SRGAP2B: variants seen among roughly 807,000 people sequenced by gnomAD.
SRGAP2B encodes SLIT-ROBO Rho GTPase-activating protein 2B.
Under a neutral mutation model 22.2 loss-of-function variants are expected in SRGAP2B, and 9 were observed. The ratio of observed to expected loss-of-function variants is 0.41; its 90% CI spans 0.24 to 0.71. The LOEUF is 0.71. SRGAP2B is among the 30% of genes least tolerant of loss of function. SRGAP2B has a pLI of 0.35. For missense variants in SRGAP2B, 114 were observed against 235.8 expected (o/e 0.48, Z 3.38); for synonymous variants, 36 against 87.4 (o/e 0.41, Z 3.28).
chr1:144,920,033 ACTGATTGGTGCATTTTTACAGAGTG>A (rs1664109926), intron 4 of SRGAP2B: 1 of 150,420 alleles, frequency 6.6e-6, no homozygotes, highest in Non-Finnish European at 1.5e-5. Flanking sequence ...GACACAGAGC[ACTGATTGGTGCATTTTTACAGAGTG>A]CTGATTGGTG....
At chr1:144,907,802 C>T (rs2101708936) in intron 5 of SRGAP2B, among the ~76,000 whole-genome samples, 1 of 150,262 alleles carries the variant, frequency 6.7e-6, no homozygotes, top group East Asian at 1.9e-4. Context: ...TAATCTAGCC[C>T]CTACGATCAG....
exon 4 of SRGAP2B, chr1:144,955,516 G>T (rs1187730085): frequency 9.5e-7 from 1 of 1,053,140 alleles, no homozygotes; most frequent in Non-Finnish European, 1.4e-6. Context: ...ATGTCACTCA[G>T]GGTGGTATGG....
chr1:145,058,683 G>GT (rs1170931949), intron 2 of SRGAP2B, among the ~76,000 whole-genome samples: 1 of 88,602 alleles, frequency 1.1e-5, no homozygotes, highest in Non-Finnish European at 2.2e-5. Flanking sequence ...GAGTGCAATG[G>GT]TGCGATCTCA....
At chr1:144,975,174 A>C (rs1668802916) in intron 3 of SRGAP2B, among the ~76,000 whole-genome samples, 2 of 149,640 alleles carry the variant, frequency 1.3e-5, no homozygotes, top group Admixed American at 1.3e-4. Flanking sequence ...TAGTCAAGAG[A>C]AAAGGTTTGG....
intron 4 of SRGAP2B, among the ~76,000 whole-genome samples, chr1:144,941,396 T>C (rs1309371891): frequency 7.7e-6 from 1 of 130,626 alleles, no homozygotes; most frequent in Non-Finnish European, 1.6e-5. Flanking sequence ...AAACAATTAG[T>C]GCAAAGAATT....
At position 144,941,297 on chromosome 1, in the gene SRGAP2B, T is replaced by C. The variant is rs1209378648; in HGVS notation, c.423+14142A>G. On this transcript the variant is annotated intron_variant, in intron 4 of 9. Coordinates refer to ENST00000612199, the Ensembl canonical transcript of SRGAP2B. ...ACTTCTCAGTCCTGTCCCTGGGCCT[T>C]ACTAATAACTACTTAGCTTACCAAG... Among the ~76,000 whole-genome samples, 15 of 137,764 alleles carry C rather than the reference T, an allele frequency of 1.1e-4. 1 individual carries two copies. Among genetic ancestry groups the C allele is most frequent in the Admixed American group, 7.3e-5 (1 of 13,646 alleles). 90.4% of individuals were successfully genotyped at this position (137,764 alleles called of 152,430 possible).
At position 145,002,494 on chromosome 1, in the gene SRGAP2B, C is replaced by A. The variant is rs1291415974; in HGVS notation, c.68-7294G>T. On this transcript the variant is annotated intron_variant, in intron 2 of 9. Transcript: ENST00000612199. ...ACTTTGGGAGGCCCAGATGGGAGGACTGCTTGAAGCCGGAAGTTTGAGACC... is the reference window on the plus strand; with the variant it reads ...ACTTTGGGAGGCCCAGATGGGAGGAATGCTTGAAGCCGGAAGTTTGAGACC... Among the ~76,000 whole-genome samples the A allele has an allele frequency of 2.4e-4, 22 of 91,908 alleles. 1 individual carries two copies. The highest frequency in any genetic ancestry group is 6.2e-5 in the Non-Finnish European group (3 of 48,078). The allele number at this position is 91,908 out of a possible 152,430, so 60.3% of individuals were successfully genotyped here. A position where few individuals can be genotyped will look rare whatever the true frequency, so the allele number is the denominator to read the frequency against.
chr1:144,968,670 G>A (rs1553612661), intron 3 of SRGAP2B, among the ~76,000 whole-genome samples: 2 of 115,892 alleles, frequency 1.7e-5, no homozygotes, highest in African/African-American at 7.2e-5. Flanking sequence ...AGGAAATAAA[G>A]GGTATTCAAT....
Position 144,984,347 on chromosome 1 carries a change from C to CAA in SRGAP2B, c.260+10659_260+10660dup, listed in dbSNP as rs1326241671. On this transcript the variant is annotated intron_variant, in intron 3 of 9. Coordinates refer to ENST00000612199, the Ensembl canonical transcript of SRGAP2B. Reference sequence around the variant, plus strand: ...AAAAAAACCCAAACAACAACAACAACAACAACAACAACAACAACAAAAAAA... The same window carrying CAA: ...AAAAAAACCCAAACAACAACAACAACAAAACAACAACAACAACAACAAAAAAA... Among the ~76,000 whole-genome samples the CAA allele has an allele frequency of 2.6e-4, 32 of 120,830 alleles. 2 individuals carry two copies. In the East Asian group the frequency reaches 7.0e-3, roughly 26 times the overall value. 79.3% of individuals were successfully genotyped at this position (120,830 alleles called of 152,430 possible).
At chr1:144,939,762 C>G (rs1205389734) in intron 4 of SRGAP2B, among the ~76,000 whole-genome samples, 1 of 146,934 alleles carries the variant, frequency 6.8e-6, no homozygotes, top group Non-Finnish European at 1.5e-5. Context: ...CTTAAAGGTC[C>G]AGAAAGACCA....
chr1:144,913,137 C>A (rs1220718888), intron 5 of SRGAP2B, among the ~76,000 whole-genome samples: 1 of 145,250 alleles, frequency 6.9e-6, no homozygotes, highest in Non-Finnish European at 1.5e-5. Flanking sequence ...GACATAGGAC[C>A]CTGGGTAAAA....
Position 145,041,026 on chromosome 1 carries a change from T to G in SRGAP2B, c.68-45826A>C, listed in dbSNP as rs1305206376. Among the ~76,000 whole-genome samples, 70 of 128,292 alleles carry G rather than the reference T, an allele frequency of 5.5e-4. No individual in the cohort carries two copies. In the South Asian group the frequency reaches 8.3e-3, roughly 15 times the overall value. The allele number at this position is 128,292 out of a possible 152,430, so 84.2% of individuals were successfully genotyped here. A position where few individuals can be genotyped will look rare whatever the true frequency, so the allele number is the denominator to read the frequency against. On this transcript the variant is annotated intron_variant, in intron 2 of 9. Transcript: ENST00000612199. ...AGCTCTATTTATTTATTTTTTCAAA[T>G]TACTTATCACCATCTGAAAAAATAT...
At chr1:144,943,981 GT>G (rs1258339841) in intron 4 of SRGAP2B, among the ~76,000 whole-genome samples, 1 of 150,054 alleles carries the variant, frequency 6.7e-6, no homozygotes, top group Non-Finnish European at 1.5e-5. Context: ...AACATCTTGG[GT>G]TTCCCATGGA....
At position 144,979,549 on chromosome 1, in the gene SRGAP2B, T is replaced by TC. The variant is rs756913987; in HGVS notation, c.260+15458dup. On this transcript the variant is annotated intron_variant, in intron 3 of 9. Transcript: ENST00000612199. Reference sequence around the variant, plus strand: ...CTATGTGATATGGTTTGGATGTCTGTCCCCCCCCAAATCTCATGTTGAAAT... The same window carrying TC: ...CTATGTGATATGGTTTGGATGTCTGTCCCCCCCCCAAATCTCATGTTGAAAT... 6.1e-4 allele frequency among the ~76,000 whole-genome samples: 86 copies of TC among 140,334 alleles called. No individual in the cohort carries two copies. In the Middle Eastern group the frequency reaches 0.01, roughly 17 times the overall value. 92.1% of individuals were successfully genotyped at this position (140,334 alleles called of 152,430 possible).
rs1390223607 is a variant in SRGAP2B at position 144,984,368 on chromosome 1, A to AACAAC, written c.260+10639_260+10640insGTTGT. Among the ~76,000 whole-genome samples the AACAAC allele has an allele frequency of 4.6e-3, 516 of 113,282 alleles. 15 individuals are homozygous for AACAAC. Among genetic ancestry groups the AACAAC allele is most frequent in the African/African-American group, 5.3e-3 (137 of 25,968 alleles). The allele number at this position is 113,282 out of a possible 152,430, so 74.3% of individuals were successfully genotyped here. ...ACAACAACAACAACAACAACAACAA[A>AACAAC]AAAAAAAAAACAAAAAAGCCCCTCT... is the stretch of plus-strand genomic sequence containing the variant. On this transcript the variant is annotated intron_variant, in intron 3 of 9. Coordinates refer to ENST00000612199, the Ensembl canonical transcript of SRGAP2B.
chr1:145,030,724 ATATATATATAT>A (rs1648223759), intron 2 of SRGAP2B, among the ~76,000 whole-genome samples: 1 of 34,162 alleles, frequency 2.9e-5, no homozygotes, highest in Admixed American at 2.7e-4. Context: ...AAAAAAAAAT[ATATATATATAT>A]ATATATATAT....
chr1:144,929,368 G>T (rs2101823607), intron 4 of SRGAP2B, among the ~76,000 whole-genome samples: 1 of 149,654 alleles, frequency 6.7e-6, no homozygotes, highest in Non-Finnish European at 1.5e-5. Context: ...TCATATGTAA[G>T]AAATCATTGC....
chr1:144,978,849 GA>G (rs1669088218), intron 3 of SRGAP2B, among the ~76,000 whole-genome samples: 1 of 147,988 alleles, frequency 6.8e-6, no homozygotes, highest in Non-Finnish European at 1.5e-5. Flanking sequence ...TGGTGCCAAG[GA>G]AGCCTACCAA....
intron 3 of SRGAP2B, among the ~76,000 whole-genome samples, chr1:144,976,934 T>C (rs1387032319): frequency 3.7e-5 from 1 of 27,076 alleles, no homozygotes; most frequent in African/African-American, 2.3e-4. Context: ...GTAACCATCA[T>C]AATAGAAAGT....
Sources: allele counts gnomAD v4.1 joint callset (sites outside exome capture counted in the v4.1 genomes callset), GRCh38; gene constraint gnomAD v4.1.1; transcripts MANE v1.5; gene names NCBI Gene and HGNC (gene_info 2026-07-23, HGNC 2026-07-21).